DRC8: variants seen among roughly 807,000 people sequenced by gnomAD.
DRC8 encodes the protein dynein regulatory complex subunit 8, also known as dynein regulatory complex protein 8.
At chr1:245,027,995 G>A in the DRC8 span, among the ~76,000 whole-genome samples, 1 of 151,722 alleles carries the variant, frequency 6.6e-6, no homozygotes, top group African/African-American at 2.4e-5. Flanking sequence ...GGGCTCACAC[G>A]ATCCTCCTGC....
At chr1:244,990,524 A>C in the DRC8 span, among the ~76,000 whole-genome samples, 3 of 152,100 alleles carry the variant, frequency 2.0e-5, no homozygotes, top group Non-Finnish European at 4.4e-5. Context: ...TTTATTTTAT[A>C]CTTTGGGTTA....
the DRC8 span, among the ~76,000 whole-genome samples, chr1:245,089,682 G>A: frequency 1.3e-5 from 2 of 152,160 alleles, no homozygotes; most frequent in African/African-American, 4.8e-5. The surrounding 1 kb of genome is among the most constrained non-coding windows in gnomAD (Gnocchi z 4.8). Context: ...AGTAAGGAAT[G>A]GATGTGAGAA....
chr1:245,025,458 A>C, the DRC8 span, among the ~76,000 whole-genome samples: 1 of 152,220 alleles, frequency 6.6e-6, no homozygotes, highest in South Asian at 2.1e-4. Flanking sequence ...AAGAATATCA[A>C]ATAAAAAATA....
At chr1:244,970,743 G>A in the DRC8 span, 1 of 455,476 alleles carries the variant, frequency 2.2e-6, no homozygotes, top group Non-Finnish European at 3.8e-6. Flanking sequence ...TTCTCCTCCC[G>A]CCCTCTTCAC....
chr1:244,970,638 TCCGCCCCGCCCCGCCCCGCCTCTCTCCC>T, the DRC8 span: 343,370 of 486,114 alleles, frequency 0.71, 124,786 homozygotes, highest in East Asian at 1. Flanking sequence ...GGCCCGCCGC[TCCGCCCCGCCCCGCCCCGCCTCTCTCCC>T]CCGCCCCGCC....
the DRC8 span, among the ~76,000 whole-genome samples, chr1:245,008,850 AT>A: frequency 6.6e-6 from 1 of 151,362 alleles, no homozygotes; most frequent in Non-Finnish European, 1.5e-5. Context: ...TTTTTAAAAA[AT>A]TTTGTGTGTG....
chr1:245,076,915 T>C, the DRC8 span, among the ~76,000 whole-genome samples: 104 of 152,054 alleles, frequency 6.8e-4, no homozygotes, highest in Admixed American at 1.4e-3. Context: ...TTAGTAGAGA[T>C]GGGGTTTCGC....
At chr1:245,113,082 C>T in the DRC8 span, among the ~76,000 whole-genome samples, 1 of 152,180 alleles carries the variant, frequency 6.6e-6, no homozygotes, top group Non-Finnish European at 1.5e-5. Context: ...GTGATTCTTA[C>T]AGTAGTATCT....
chr1:244,983,766 G>A, the DRC8 span, among the ~76,000 whole-genome samples: 11 of 143,610 alleles, frequency 7.7e-5, no homozygotes, highest in East Asian at 6.4e-4. Context: ...AAAAGTAACC[G>A]GAAATACCGC....
the DRC8 span, among the ~76,000 whole-genome samples, chr1:245,033,234 C>T: frequency 6.6e-6 from 1 of 152,168 alleles, no homozygotes; most frequent in African/African-American, 2.4e-5. Context: ...AAGGAGGTCT[C>T]CACAGGTGCC....
At chr1:244,984,131 G>C in the DRC8 span, among the ~76,000 whole-genome samples, 50 of 151,858 alleles carry the variant, frequency 3.3e-4, no homozygotes, top group African/African-American at 6.8e-4. Flanking sequence ...ATTTTTTTGG[G>C]GGGGGGGAAT....
At chr1:245,057,515 A>G in the DRC8 span, among the ~76,000 whole-genome samples, 1 of 152,200 alleles carries the variant, frequency 6.6e-6, no homozygotes, top group Non-Finnish European at 1.5e-5. Flanking sequence ...TTACACTGAC[A>G]GTACATTTCC....
the DRC8 span, among the ~76,000 whole-genome samples, chr1:244,974,830 G>C: frequency 1.3e-5 from 2 of 152,020 alleles, no homozygotes; most frequent in African/African-American, 4.8e-5. Flanking sequence ...CAAGTAGCTG[G>C]GACTACAGGC....
At chr1:245,014,084 A>G in the DRC8 span, among the ~76,000 whole-genome samples, 1 of 151,692 alleles carries the variant, frequency 6.6e-6, no homozygotes, top group Non-Finnish European at 1.5e-5. Context: ...AGAGTAGTTA[A>G]CTCTGGGTAG....
At chr1:245,005,395 G>A in the DRC8 span, among the ~76,000 whole-genome samples, 1 of 151,876 alleles carries the variant, frequency 6.6e-6, no homozygotes, top group Non-Finnish European at 1.5e-5. Context: ...CTGTCACCCA[G>A]GCTGGAGTGT....
chr1:244,970,706 C>T, the DRC8 span: 2 of 467,064 alleles, frequency 4.3e-6, no homozygotes, highest in Non-Finnish European at 3.6e-6. Context: ...CCTCCCTCTT[C>T]TCTCTCCCCT....
the DRC8 span, among the ~76,000 whole-genome samples, chr1:245,116,172 G>A: frequency 6.6e-6 from 1 of 151,934 alleles, no homozygotes; most frequent in Non-Finnish European, 1.5e-5. Flanking sequence ...ATAGACATGA[G>A]CCACTGTGCC....
At chr1:244,994,375 T>A in the DRC8 span, among the ~76,000 whole-genome samples, 4 of 152,220 alleles carry the variant, frequency 2.6e-5, no homozygotes, top group Non-Finnish European at 5.9e-5. Context: ...TTGTTTGAGA[T>A]AAGCTGTTCT....
chr1:245,018,888 T>C, the DRC8 span, among the ~76,000 whole-genome samples: 1 of 152,226 alleles, frequency 6.6e-6, no homozygotes, highest in African/African-American at 2.4e-5. Context: ...GTTTGCTCCA[T>C]GTCACACCAG....
Sources: gnomAD v4.1 joint callset for allele counts (sites outside exome capture counted in the v4.1 genomes callset) on GRCh38, gnomAD v4.1.1 for gene constraint, Gnocchi (gnomAD v3.1) non-coding constraint, MANE v1.5 for transcripts, NCBI Gene and HGNC (gene_info 2026-07-23, HGNC 2026-07-21) for gene names.